The following CACNA2D3 variants were observed in gnomAD, a reference collection of about 807,000 sequenced individuals.
CACNA2D3 encodes the protein voltage-dependent calcium channel subunit alpha-2/delta-3.
CACNA2D3 carries 60 observed loss-of-function variants against 160.6 expected under a neutral mutation model. That is an observed-to-expected ratio of 0.37 (90% CI 0.30 to 0.46). The LOEUF is 0.46. CACNA2D3 is among the 20% of genes least tolerant of loss of function. The pLI is 1.00. For synonymous variants in CACNA2D3, 558 were observed against 492.9 expected (o/e 1.13, Z -1.75); for missense variants, 1,205 against 1,365.0 (o/e 0.88, Z 1.85).
chr3:54,946,732 A>T (rs1478583385), intron 27 of CACNA2D3, among the ~76,000 whole-genome samples: 2 of 152,080 alleles, frequency 1.3e-5, no homozygotes, highest in Non-Finnish European at 2.9e-5. Flanking sequence ...ACTGGATGCA[A>T]AGAATCCAAT....
intron 11 of CACNA2D3, among the ~76,000 whole-genome samples, chr3:54,716,631 T>A (rs1472845863): frequency 6.6e-6 from 1 of 152,200 alleles, no homozygotes; most frequent in African/African-American, 2.4e-5. Flanking sequence ...TATGAGCTGT[T>A]AATTTACATT....
chr3:55,072,744 T>C (rs563296169), intron 35 of CACNA2D3, among the ~76,000 whole-genome samples: 1 of 152,332 alleles, frequency 6.6e-6, no homozygotes, highest in South Asian at 2.1e-4. Context: ...GTGTCTTTCT[T>C]TGTCACTTCA....
At chr3:55,007,138 C>T (rs1167683407) in intron 32 of CACNA2D3, among the ~76,000 whole-genome samples, 1 of 152,098 alleles carries the variant, frequency 6.6e-6, no homozygotes, top group African/African-American at 2.4e-5. Context: ...AGTAAACAAT[C>T]CAACTGCTTT....
chr3:54,782,790 A>G (rs992060946), intron 13 of CACNA2D3, among the ~76,000 whole-genome samples: 2 of 152,152 alleles, frequency 1.3e-5, no homozygotes, highest in African/African-American at 2.4e-5. Context: ...AGTAAGAACC[A>G]AGAAGCTTGA....
At chr3:54,747,506 T>A (rs1559567729) in intron 11 of CACNA2D3, among the ~76,000 whole-genome samples, 3 of 152,182 alleles carry the variant, frequency 2.0e-5, no homozygotes, top group Admixed American at 6.5e-5. Flanking sequence ...TGGCCTATGC[T>A]CTATCCTGCA....
intron 3 of CACNA2D3, among the ~76,000 whole-genome samples, chr3:54,321,436 C>T (rs1369136717): frequency 6.6e-6 from 1 of 152,142 alleles, no homozygotes; most frequent in Non-Finnish European, 1.5e-5. Flanking sequence ...TATGTACCAC[C>T]ACACCTCGCT....
intron 9 of CACNA2D3, among the ~76,000 whole-genome samples, chr3:54,611,115 G>A (rs1463330413): frequency 5.3e-5 from 8 of 152,116 alleles, no homozygotes; most frequent in Admixed American, 2.6e-4. Flanking sequence ...GCCAAGCCTC[G>A]TGCAGAAATA....
chr3:54,863,574 G>A (rs1476801704), intron 17 of CACNA2D3, among the ~76,000 whole-genome samples: 1 of 152,164 alleles, frequency 6.6e-6, no homozygotes, highest in Non-Finnish European at 1.5e-5. Flanking sequence ...GGTGTGGTAA[G>A]CGTGTTTGAC....
chr3:54,822,800 TTTCTTTC>T (rs1703657769), intron 14 of CACNA2D3, among the ~76,000 whole-genome samples: 2 of 94,072 alleles, frequency 2.1e-5, no homozygotes, highest in African/African-American at 1.0e-4. Flanking sequence ...CCTTTCTTTC[TTTCTTTC>T]TTTCTTTCTT....
rs374641273 is a variant in CACNA2D3 at position 54,764,361 on chromosome 3, C to T, written c.1380+10C>T. On this transcript the variant is annotated intron_variant, in intron 13 of 37. Coordinates refer to ENST00000474759, the MANE Select transcript of CACNA2D3 (RefSeq NM_018398.3). ...TTACATTGACAGCACTGTGAGTCCA[C>T]GGGGCCCTGGGAAAGAGGCTAAGCT... 83 of 1,613,216 alleles carry T rather than the reference C, an allele frequency of 5.1e-5. No individual in the cohort carries two copies. Among genetic ancestry groups the T allele is most frequent in the Non-Finnish European group, 6.0e-5 (71 of 1,179,480 alleles).
intron 11 of CACNA2D3, among the ~76,000 whole-genome samples, chr3:54,655,628 C>T (rs1319485335): frequency 2.0e-5 from 3 of 152,070 alleles, no homozygotes; most frequent in Admixed American, 6.5e-5. Flanking sequence ...ACCTATTTCA[C>T]GAATAAATAT....
intron 5 of CACNA2D3, among the ~76,000 whole-genome samples, chr3:54,511,143 A>C (rs981354786): frequency 1.2e-4 from 18 of 152,012 alleles, no homozygotes; most frequent in African/African-American, 3.4e-4. Flanking sequence ...TTCTGGAAAG[A>C]CCTGTCCTTT....
intron 4 of CACNA2D3, among the ~76,000 whole-genome samples, chr3:54,484,862 T>TGG (rs762057063): frequency 1.0e-4 from 15 of 149,488 alleles, no homozygotes; most frequent in South Asian, 2.1e-4. Flanking sequence ...TTTTTTTTTT[T>TGG]GGGGGATGGA....
intron 1 of CACNA2D3, among the ~76,000 whole-genome samples, chr3:54,123,101 C>T (rs949947382): frequency 6.6e-6 from 1 of 152,176 alleles, no homozygotes. Context: ...CCGAATCCAA[C>T]TTCCATGGGC....
chr3:55,007,977 C>T (rs764379442), intron 33 of CACNA2D3, 135 bp downstream of exon 33: 1 of 596,098 alleles, frequency 1.7e-6, no homozygotes, highest in Non-Finnish European at 2.8e-6. Context: ...CTTCATTGAA[C>T]ATCTCAAAAT....
intron 25 of CACNA2D3, among the ~76,000 whole-genome samples, chr3:54,892,457 A>G (rs773729778): frequency 5.9e-5 from 9 of 152,158 alleles, no homozygotes; most frequent in Non-Finnish European, 8.8e-5. Flanking sequence ...TTACAAAACC[A>G]AGTCTGGTAA....
At chr3:54,516,383 T>C (rs1339933952) in intron 5 of CACNA2D3, among the ~76,000 whole-genome samples, 1 of 152,200 alleles carries the variant, frequency 6.6e-6, no homozygotes, top group Admixed American at 6.5e-5. Context: ...GGTATTTCTG[T>C]ACATTTCTGA....
intron 35 of CACNA2D3, among the ~76,000 whole-genome samples, chr3:55,030,055 T>A (rs1448417966): frequency 6.6e-6 from 1 of 152,190 alleles, no homozygotes; most frequent in East Asian, 1.9e-4. Flanking sequence ...TTGAAGGCTC[T>A]TCATCTTATT....
chr3:54,377,752 A>C (rs1271004617), intron 3 of CACNA2D3, among the ~76,000 whole-genome samples: 2 of 152,322 alleles, frequency 1.3e-5, no homozygotes, highest in East Asian at 1.9e-4. Flanking sequence ...AATGTACCCC[A>C]AACTTCTTGA....
Sources: allele counts gnomAD v4.1 joint callset (sites outside exome capture counted in the v4.1 genomes callset), GRCh38; gene constraint gnomAD v4.1.1; transcripts MANE v1.5; gene names NCBI Gene and HGNC (gene_info 2026-07-23, HGNC 2026-07-21).